Variants in CYBRD1 observed in about 807,000 individuals in gnomAD.
CYBRD1 encodes cytochrome b reductase 1.
Under a neutral mutation model 21.9 loss-of-function variants are expected in CYBRD1, and 14 were observed. The ratio of observed to expected loss-of-function variants is 0.64; its 90% CI spans 0.42 to 1.00. CYBRD1 has a LOEUF of 1.00. Among genes scored for constraint, CYBRD1 ranks in the 50% least tolerant of loss-of-function variants. The pLI, the probability that CYBRD1 is intolerant of heterozygous loss-of-function variation, is 0.00. For missense variants in CYBRD1, 328 were observed against 352.5 expected (o/e 0.93, Z 0.56); for synonymous variants, 146 against 136.5 (o/e 1.07, Z -0.48).
chr2:171,541,826 T>C (rs1014801407), intron 2 of CYBRD1, 33 bp downstream of exon 2: 8 of 1,497,118 alleles, frequency 5.3e-6, no homozygotes, highest in Admixed American at 1.7e-5. Flanking sequence ...AAGCAAGTTA[T>C]AAAAACAATT....
chr2:171,551,315 CTG>C (rs1683368850), intron 2 of CYBRD1, among the ~76,000 whole-genome samples: 1 of 152,148 alleles, frequency 6.6e-6, no homozygotes, highest in South Asian at 2.1e-4. Context: ...AATAGAATCA[CTG>C]AAGTTCACTG....
chr2:171,556,741 C>G lies in CYBRD1; in HGVS notation c.*1914C>G, dbSNP rs1401735219. On this transcript the variant is annotated 3_prime_UTR_variant, in exon 4 of 4. Coordinates refer to ENST00000321348, the MANE Select transcript of CYBRD1 (RefSeq NM_024843.4). ...CCAGAAGGATCCCCAGTACCCAGCC[C>G]TCTGCCTGGCACAAAGTGGTAGCAC... The G allele has an allele frequency of 6.6e-6, 1 of 152,212 alleles. No individual in the cohort carries two copies. Among genetic ancestry groups the G allele is most frequent in the Non-Finnish European group, 1.5e-5 (1 of 68,076 alleles). The allele number at this position is 152,212 out of a possible 1,614,324, so 9.4% of individuals were successfully genotyped here.
At chr2:171,528,730 C>T (rs967318333) in intron 1 of CYBRD1, among the ~76,000 whole-genome samples, 6 of 152,342 alleles carry the variant, frequency 3.9e-5, no homozygotes, top group South Asian at 2.1e-4. Flanking sequence ...AAACTCTCTA[C>T]TTGAATATCA....
At chr2:171,537,914 TC>T (rs1353538553) in intron 1 of CYBRD1, among the ~76,000 whole-genome samples, 1 of 152,210 alleles carries the variant, frequency 6.6e-6, no homozygotes, top group African/African-American at 2.4e-5. Context: ...CTTGATCTGA[TC>T]ACTATACATT....
At chr2:171,546,950 G>C (rs1017345321) in intron 2 of CYBRD1, among the ~76,000 whole-genome samples, 1 of 152,196 alleles carries the variant, frequency 6.6e-6, no homozygotes, top group Non-Finnish European at 1.5e-5. Context: ...TAGCTTGCAG[G>C]TGTTTATGGA....
At chr2:171,543,546 C>T (rs915648487) in intron 2 of CYBRD1, among the ~76,000 whole-genome samples, 2 of 152,090 alleles carry the variant, frequency 1.3e-5, no homozygotes, top group Non-Finnish European at 2.9e-5. Context: ...ACCATTCTCC[C>T]GGTGTTTATT....
In CYBRD1 at chr2:171,541,577, T is replaced by C. The variant is rs911405034; in HGVS notation, c.194-8T>C. 1.9e-5 allele frequency: 31 copies of C among 1,613,518 alleles called. No individual in the cohort carries two copies. The African/African-American group carries it at 3.9e-4, about 20-fold the overall frequency. ...AAACACATTCTGTGTCCTTTCGTCTTTCCCTAGCCATCATCGTCTACAGAC... is the reference window on the plus strand; with the variant it reads ...AAACACATTCTGTGTCCTTTCGTCTCTCCCTAGCCATCATCGTCTACAGAC... On this transcript the variant is annotated splice_polypyrimidine_tract_variant and splice_region_variant and intron_variant, in intron 1 of 3. Coordinates refer to ENST00000321348, the MANE Select transcript of CYBRD1 (RefSeq NM_024843.4).
In CYBRD1 at chr2:171,554,685, G is replaced by A. The variant is rs1481559396; in HGVS notation, c.719G>A (p.Gly240Asp). 13 of 1,614,050 alleles carry A rather than the reference G, an allele frequency of 8.1e-6. No homozygotes were observed. Among genetic ancestry groups the A allele is most frequent in the Non-Finnish European group, 1.1e-5 (13 of 1,179,970 alleles). Residue 240 changes from glycine (G) to aspartate (D), a missense_variant, in exon 4 of 4, where the codon GGC becomes GAC. Transcript: ENST00000321348. ...PNSTILHPNG[G>D]TEQGARGSMP... ...TCTACCATTCTTCATCCAAATGGAG[G>A]CACTGAACAGGGAGCAAGAGGTTCC...
intron 2 of CYBRD1, among the ~76,000 whole-genome samples, chr2:171,547,598 G>A (rs1697736052): frequency 6.6e-6 from 1 of 152,136 alleles, no homozygotes; most frequent in Non-Finnish European, 1.5e-5. Context: ...GAGCACAGCT[G>A]AAAAATTGGA....
chr2:171,532,537 T>C (rs1697482775), intron 1 of CYBRD1, among the ~76,000 whole-genome samples: 1 of 152,132 alleles, frequency 6.6e-6, no homozygotes, highest in East Asian at 1.9e-4. Flanking sequence ...TGGTGGCTTA[T>C]GCCTGTAATT....
chr2:171,542,785 G>T (rs956839855), intron 2 of CYBRD1, among the ~76,000 whole-genome samples: 3 of 152,108 alleles, frequency 2.0e-5, no homozygotes, highest in Admixed American at 6.5e-5. Context: ...GGATGATGAG[G>T]TGCACAGCTC....
chr2:171,528,068 C>T (rs1697409650), intron 1 of CYBRD1, among the ~76,000 whole-genome samples: 1 of 151,638 alleles, frequency 6.6e-6, no homozygotes, highest in Admixed American at 6.6e-5. Context: ...CCCCTCACTC[C>T]TCCTTGGGGC....
At chr2:171,537,843 G>T (rs1475907317) in intron 1 of CYBRD1, among the ~76,000 whole-genome samples, 1 of 152,214 alleles carries the variant, frequency 6.6e-6, no homozygotes, top group Non-Finnish European at 1.5e-5. Context: ...AGCTAAAAGA[G>T]AGGATATTGA....
At chr2:171,525,781 A>G (rs1045338848) in intron 1 of CYBRD1, among the ~76,000 whole-genome samples, 7 of 152,134 alleles carry the variant, frequency 4.6e-5, no homozygotes, top group African/African-American at 1.2e-4. Context: ...AAGAACAAGT[A>G]TGAGTCCTTT....
intron 1 of CYBRD1, chr2:171,523,373 AGT>A (rs1697339039): frequency 3.5e-6 from 1 of 287,746 alleles, no homozygotes; most frequent in African/African-American, 2.4e-5. Context: ...CTCCTCCTAG[AGT>A]GTTAAACTCA....
chr2:171,525,139 T>C (rs1161875162), intron 1 of CYBRD1, among the ~76,000 whole-genome samples: 3 of 152,182 alleles, frequency 2.0e-5, no homozygotes, highest in South Asian at 4.1e-4. Context: ...GGTTTCACCA[T>C]GTTGGCCAGG....
At chr2:171,553,021 T>C (rs1186920611) in intron 2 of CYBRD1, among the ~76,000 whole-genome samples, 1 of 152,192 alleles carries the variant, frequency 6.6e-6, no homozygotes, top group African/African-American at 2.4e-5. Context: ...AAATAAATTG[T>C]TATAGCCTTA....
chr2:171,550,973 C>T (rs1028489267), intron 2 of CYBRD1: 9 of 218,270 alleles, frequency 4.1e-5, no homozygotes, highest in Admixed American at 1.2e-4. Flanking sequence ...TTTTTTCTTT[C>T]TTAGACAGGG....
intron 1 of CYBRD1, among the ~76,000 whole-genome samples, chr2:171,524,870 C>T (rs1388024272): frequency 6.6e-6 from 1 of 152,206 alleles, no homozygotes; most frequent in Non-Finnish European, 1.5e-5. Context: ...TCTGTTCATA[C>T]TTAACTCTTG....
Sources: gnomAD v4.1 joint callset for allele counts (sites outside exome capture counted in the v4.1 genomes callset) on GRCh38, gnomAD v4.1.1 for gene constraint, MANE v1.5 for transcripts, NCBI Gene and HGNC (gene_info 2026-07-23, HGNC 2026-07-21) for gene names.